Variants in CDH13 observed in about 807,000 individuals in gnomAD.
CDH13 encodes the protein cadherin-13.
In CDH13, 24 loss-of-function variants were observed where a neutral mutation model predicts 63.8. The ratio of observed to expected loss-of-function variants is 0.38; its 90% CI spans 0.27 to 0.53. The LOEUF is 0.53. CDH13 is among the 20% of genes least tolerant of loss of function. CDH13 has a pLI of 0.85. For missense variants in CDH13, 1,049 were observed against 903.1 expected, an observed-to-expected ratio of 1.16 and a Z score of -2.07; for synonymous variants, 503 against 355.3, an observed-to-expected ratio of 1.42 and a Z score of -4.67.
chr16:83,086,331 C>G (rs1394078693), intron 3 of CDH13, among the ~76,000 whole-genome samples: 2 of 152,176 alleles, frequency 1.3e-5, no homozygotes, highest in African/African-American at 4.8e-5. Flanking sequence ...TCCAGATCTA[C>G]CATTTATAAG....
At chr16:82,890,108 G>A (rs1165812174) in intron 2 of CDH13, among the ~76,000 whole-genome samples, 1 of 152,206 alleles carries the variant, frequency 6.6e-6, no homozygotes, top group Non-Finnish European at 1.5e-5. Context: ...CAGCCTTCGT[G>A]ATTCTAGAGA....
chr16:83,615,739 A>G (rs1175419850), intron 8 of CDH13, among the ~76,000 whole-genome samples: 1 of 152,232 alleles, frequency 6.6e-6, no homozygotes, highest in Non-Finnish European at 1.5e-5. Context: ...GCCATCACTC[A>G]TGATTACATC....
At chr16:83,740,836 A>G (rs1911987980) in intron 10 of CDH13, among the ~76,000 whole-genome samples, 1 of 152,232 alleles carries the variant, frequency 6.6e-6, no homozygotes, top group Non-Finnish European at 1.5e-5. Context: ...CTCACTGGAC[A>G]ACTCTTCTTG....
chr16:83,471,975 A>G (rs2073465040), intron 6 of CDH13, among the ~76,000 whole-genome samples: 1 of 152,080 alleles, frequency 6.6e-6, no homozygotes. Flanking sequence ...TTTCACACTA[A>G]CCTTGCTTTC....
Position 83,128,657 on chromosome 16 carries a change from A to G in CDH13, c.483+3156A>G, listed in dbSNP as rs901280591. Among the ~76,000 whole-genome samples the G allele has an allele frequency of 6.6e-5, 10 of 152,252 alleles. No homozygotes were observed. In the East Asian group the frequency reaches 9.6e-4, roughly 15 times the overall value. On this transcript the variant is annotated intron_variant, in intron 4 of 13. Transcript: ENST00000567109. The stretch of plus-strand genomic sequence containing the variant: ...CCTATAGTTTTCTTCAATTACACAC[A>G]ATTTCCTCCGGGGTATATTTGGGTG...
At chr16:82,690,106 T>A (rs1418688586) in intron 1 of CDH13, among the ~76,000 whole-genome samples, 1 of 132,964 alleles carries the variant, frequency 7.5e-6, no homozygotes, top group Non-Finnish European at 1.5e-5. Flanking sequence ...AGGCAGAGGT[T>A]GCAGTGAGCC....
Position 83,366,106 on chromosome 16 carries a change from A to G in CDH13, c.781+21100A>G, listed in dbSNP as rs16960308. On this transcript the variant is annotated intron_variant, in intron 6 of 13. Transcript: ENST00000567109. Reference sequence around the variant, plus strand: ...ACAGAATGTGGTTACATTATCTTACATACCATTTAAGAGTAAAGCTGCTTT... The same window carrying G: ...ACAGAATGTGGTTACATTATCTTACGTACCATTTAAGAGTAAAGCTGCTTT... Among the ~76,000 whole-genome samples the G allele has an allele frequency of 4.1e-3, 628 of 152,366 alleles. 6 individuals carry two copies. Among genetic ancestry groups the G allele is most frequent in the African/African-American group, 0.015 (603 of 41,584 alleles).
chr16:83,529,735 TC>T lies in CDH13; in HGVS notation c.960+43081del. On this transcript the variant is annotated intron_variant, in intron 7 of 13. Transcript: ENST00000567109. ...GAAAATTATGCATAACAGAATTTTATCTATTAAACGACCACATAAAAGAAAA... is the reference window on the plus strand; with the variant it reads ...GAAAATTATGCATAACAGAATTTTATTATTAAACGACCACATAAAAGAAAA... 1.3e-5 allele frequency among the ~76,000 whole-genome samples: 2 copies of T among 152,172 alleles called. 1 individual carries two copies. Among genetic ancestry groups the T allele is most frequent in the Admixed American group, 1.3e-4 (2 of 15,268 alleles).
chr16:82,948,068 G>A (rs1392478761), intron 2 of CDH13, among the ~76,000 whole-genome samples: 1 of 152,084 alleles, frequency 6.6e-6, no homozygotes, highest in Admixed American at 6.6e-5. Flanking sequence ...ATTCTTTAAT[G>A]GACATTGAAA....
intron 5 of CDH13, among the ~76,000 whole-genome samples, chr16:83,274,461 A>C (rs1333973905): frequency 6.6e-6 from 1 of 152,134 alleles, no homozygotes; most frequent in African/African-American, 2.4e-5. Flanking sequence ...GGCTTCAGTT[A>C]GTTATTCCAG....
chr16:83,569,786 G>T (rs959142068), intron 7 of CDH13, among the ~76,000 whole-genome samples: 1 of 152,100 alleles, frequency 6.6e-6, no homozygotes, highest in Non-Finnish European at 1.5e-5. Flanking sequence ...TCCCAGGCTG[G>T]AGTGCAGTGG....
At chr16:82,731,621 G>T (rs1450024204) in intron 1 of CDH13, among the ~76,000 whole-genome samples, 1 of 152,160 alleles carries the variant, frequency 6.6e-6, no homozygotes, top group East Asian at 1.9e-4. Flanking sequence ...AATGGAAATG[G>T]CAATCAACAT....
intron 10 of CDH13, among the ~76,000 whole-genome samples, chr16:83,709,375 T>C (rs403447): frequency 0.28 from 42,687 of 152,080 alleles, 6,370 homozygotes; most frequent in Middle Eastern, 0.46. Flanking sequence ...TCTTCCAATC[T>C]ATGAGGGTTC....
chr16:83,307,173 C>T (rs538250766), intron 5 of CDH13, among the ~76,000 whole-genome samples: 7 of 152,144 alleles, frequency 4.6e-5, no homozygotes, highest in Non-Finnish European at 7.3e-5. Context: ...TAAGTGGTAA[C>T]GCCTGTTCCC....
At chr16:83,712,238 C>G (rs1340384610) in intron 10 of CDH13, among the ~76,000 whole-genome samples, 1 of 152,140 alleles carries the variant, frequency 6.6e-6, no homozygotes, top group Non-Finnish European at 1.5e-5. Flanking sequence ...TTGGCAGCAC[C>G]TTTTAAAAGG....
intron 1 of CDH13, among the ~76,000 whole-genome samples, chr16:82,851,676 C>CGTGTGT (rs3046491): frequency 2.0e-5 from 3 of 149,710 alleles, no homozygotes; most frequent in African/African-American, 2.5e-5. Context: ...CATGTGTGTA[C>CGTGTGT]GTGTGTGTGT....
chr16:83,670,219 A>C (rs983021212), intron 8 of CDH13, among the ~76,000 whole-genome samples: 5 of 152,202 alleles, frequency 3.3e-5, no homozygotes, highest in Non-Finnish European at 7.3e-5. Context: ...CTGGGGTCAA[A>C]TCCCAGTCTC....
intron 3 of CDH13, among the ~76,000 whole-genome samples, chr16:83,044,061 T>A (rs1441118618): frequency 6.6e-6 from 1 of 152,172 alleles, no homozygotes; most frequent in Non-Finnish European, 1.5e-5. Context: ...ATGGAAAGGA[T>A]CATTCACTGA....
intron 6 of CDH13, among the ~76,000 whole-genome samples, chr16:83,478,194 C>T (rs1243881753): frequency 6.6e-6 from 1 of 151,932 alleles, no homozygotes; most frequent in African/African-American, 2.4e-5. Flanking sequence ...TCTGGCTAGT[C>T]CAGACTTGTA....
Sources: gnomAD v4.1 joint callset for allele counts (sites outside exome capture counted in the v4.1 genomes callset) on GRCh38, gnomAD v4.1.1 for gene constraint, MANE v1.5 for transcripts, NCBI Gene and HGNC (gene_info 2026-07-23, HGNC 2026-07-21) for gene names.